Variants in CTNNA3 observed in about 807,000 individuals in gnomAD.
CTNNA3 encodes the protein catenin alpha-3.
CTNNA3 carries 76 observed loss-of-function variants against 95.7 expected under a neutral mutation model. The observed-to-expected ratio is 0.79, with a 90% CI of 0.66 to 0.96. CTNNA3 has a LOEUF of 0.96. CTNNA3 is among the 40% of genes least tolerant of loss of function. The probability of loss-of-function intolerance (pLI) is 0.00; values close to 1 mark genes in which losing one functional copy is unlikely to be tolerated. For synonymous variants in CTNNA3, 431 were observed against 374.4 expected, an observed-to-expected ratio of 1.15 and a Z score of -1.74; for missense variants, 1,191 against 1,089.8, an observed-to-expected ratio of 1.09 and a Z score of -1.31.
intron 15 of CTNNA3, among the ~76,000 whole-genome samples, chr10:66,043,713 G>A (rs1241856890): frequency 6.6e-6 from 1 of 152,104 alleles, no homozygotes; most frequent in African/African-American, 2.4e-5. Flanking sequence ...AAATCTGAGA[G>A]ATTATGTTTT....
chr10:66,409,543 G>A (rs2093085616), intron 11 of CTNNA3, among the ~76,000 whole-genome samples: 1 of 152,130 alleles, frequency 6.6e-6, no homozygotes, highest in African/African-American at 2.4e-5. Context: ...GCAGTATGAT[G>A]AATATGACAT....
intron 16 of CTNNA3, among the ~76,000 whole-genome samples, chr10:65,971,680 C>T (rs2078106215): frequency 6.6e-6 from 1 of 151,670 alleles, no homozygotes. Context: ...AGTAATAAAA[C>T]ACCCACCACC....
intron 12 of CTNNA3, among the ~76,000 whole-genome samples, chr10:66,316,061 C>T (rs549623575): frequency 3.9e-5 from 6 of 152,086 alleles, no homozygotes; most frequent in East Asian, 3.9e-4. Flanking sequence ...TTTCTGGTCA[C>T]AAAAATATCA....
chr10:67,027,607 T>C (rs955120328), intron 7 of CTNNA3, among the ~76,000 whole-genome samples: 1 of 151,976 alleles, frequency 6.6e-6, no homozygotes, highest in African/African-American at 2.4e-5. Flanking sequence ...GCTAACTTTT[T>C]TGTATTTTTA....
chr10:66,052,265 A>G (rs2079974469), intron 15 of CTNNA3, among the ~76,000 whole-genome samples: 1 of 152,190 alleles, frequency 6.6e-6, no homozygotes, highest in Non-Finnish European at 1.5e-5. Flanking sequence ...ATCATGCAGA[A>G]AGGACCTGGC....
chr10:66,745,271 T>A (rs1238350685), intron 9 of CTNNA3, among the ~76,000 whole-genome samples: 1 of 152,214 alleles, frequency 6.6e-6, no homozygotes, highest in African/African-American at 2.4e-5. Context: ...ATTTTAAAAC[T>A]TGATGTAAAA....
intron 7 of CTNNA3, among the ~76,000 whole-genome samples, chr10:67,078,377 G>A (rs921385440): frequency 1.3e-5 from 2 of 152,144 alleles, no homozygotes; most frequent in Admixed American, 1.3e-4. Flanking sequence ...TATTTGTTCT[G>A]TAAGGAAATG....
At chr10:66,017,911 T>C (rs2079125797) in intron 15 of CTNNA3, among the ~76,000 whole-genome samples, 1 of 152,104 alleles carries the variant, frequency 6.6e-6, no homozygotes, top group African/African-American at 2.4e-5. Context: ...TTTGCTTTCA[T>C]ATCCTATACG....
At chr10:66,331,202 C>G (rs1349530340) in intron 12 of CTNNA3, among the ~76,000 whole-genome samples, 1 of 151,806 alleles carries the variant, frequency 6.6e-6, no homozygotes, top group Non-Finnish European at 1.5e-5. Flanking sequence ...GGTTTTAGGT[C>G]TAACGTTTAA....
chr10:66,634,327 A>G (rs961447618), intron 9 of CTNNA3, among the ~76,000 whole-genome samples: 2 of 152,178 alleles, frequency 1.3e-5, no homozygotes, highest in Non-Finnish European at 2.9e-5. Flanking sequence ...ATAGAAAAAA[A>G]TGCTGCTAAG....
At chr10:67,435,778 AC>A (rs1846280047) in intron 5 of CTNNA3, among the ~76,000 whole-genome samples, 1 of 152,050 alleles carries the variant, frequency 6.6e-6, no homozygotes, top group Non-Finnish European at 1.5e-5. Flanking sequence ...CAGTCGAAAG[AC>A]CTATACAAGG....
intron 10 of CTNNA3, among the ~76,000 whole-genome samples, chr10:66,601,333 C>T (rs1350569234): frequency 6.6e-6 from 1 of 151,822 alleles, no homozygotes; most frequent in Non-Finnish European, 1.5e-5. Flanking sequence ...CTCCATTAGG[C>T]AAAAAGTAGA....
rs1046535251 is a variant in CTNNA3, at chr10:67,606,962, C to G, written c.187G>C (p.Glu63Gln). The change falls in exon 3 of 18, where the codon GAG becomes CAG. Residue 63 changes from glutamate to glutamine, a missense_variant. Physicochemically the swap from Glu to Gln is conservative, Grantham distance 29 (BLOSUM62 2). Transcript: ENST00000433211. ...TCTAATAAATTCCAAGTTGCTTCCT[C>G]CACAGAAGCTAGAAGGACACTGGCT... ...KRASVLLASVEEATWNLLDKG... is the reference protein window; with the variant it reads ...KRASVLLASVQEATWNLLDKG... The G allele has an allele frequency of 3.7e-6, 6 of 1,613,722 alleles. No homozygotes were observed. The highest frequency in any genetic ancestry group is 5.1e-6 in the Non-Finnish European group (6 of 1,179,634).
chr10:66,699,477 C>T (rs892072155), intron 9 of CTNNA3, among the ~76,000 whole-genome samples: 3 of 151,834 alleles, frequency 2.0e-5, no homozygotes, highest in Non-Finnish European at 2.9e-5. Context: ...GCATTTCTCT[C>T]ATTAGTGACA....
chr10:66,429,974 C>A (rs2093279799), intron 11 of CTNNA3, among the ~76,000 whole-genome samples: 1 of 147,442 alleles, frequency 6.8e-6, no homozygotes, highest in Non-Finnish European at 1.5e-5. Flanking sequence ...TCCCTCTTTG[C>A]AGATGACATG....
At chr10:66,618,243 G>T (rs376915368) in intron 10 of CTNNA3, among the ~76,000 whole-genome samples, 1 of 151,522 alleles carries the variant, frequency 6.6e-6, no homozygotes, top group African/African-American at 2.4e-5. Flanking sequence ...AAAAGAGCCC[G>T]CATCGCCAAG....
intron 12 of CTNNA3, among the ~76,000 whole-genome samples, chr10:66,378,058 A>G (rs1443065127): frequency 3.3e-5 from 5 of 152,192 alleles, no homozygotes; most frequent in Non-Finnish European, 7.4e-5. Context: ...CTAGAAAAAC[A>G]GCAAAACTGA....
intron 13 of CTNNA3, among the ~76,000 whole-genome samples, chr10:66,276,289 C>T (rs1195505205): frequency 6.6e-6 from 1 of 152,044 alleles, no homozygotes; most frequent in Non-Finnish European, 1.5e-5. Context: ...AATTCACAAA[C>T]AAAACATGTG....
chr10:67,168,585 T>C (rs939411551), intron 7 of CTNNA3, among the ~76,000 whole-genome samples: 1 of 152,162 alleles, frequency 6.6e-6, no homozygotes, highest in South Asian at 2.1e-4. Flanking sequence ...TCAACACCCG[T>C]TCATGTTAAA....
Sources: gnomAD v4.1 joint callset for allele counts (sites outside exome capture counted in the v4.1 genomes callset) on GRCh38, gnomAD v4.1.1 for gene constraint, MANE v1.5 for transcripts, NCBI Gene and HGNC (gene_info 2026-07-23, HGNC 2026-07-21) for gene names.